Variants in TTBK1 observed in about 807,000 individuals in gnomAD.
The protein encoded by TTBK1 is tau-tubulin kinase 1.
A neutral mutation model predicts 108.5 loss-of-function variants in TTBK1; 34 were observed. The observed-to-expected ratio is 0.31, with a 90% CI of 0.24 to 0.42. The LOEUF (loss-of-function observed/expected upper bound fraction) is 0.42, where lower values mean the gene tolerates loss of function less well. TTBK1 is among the 10% of genes least tolerant of loss of function. TTBK1 has a pLI of 1.00. For missense variants in TTBK1, 1,539 were observed against 1,826.0 expected (o/e 0.84, Z 2.86); for synonymous variants, 809 against 795.1 (o/e 1.02, Z -0.29).
chr6:43,278,686 C>T (rs968669484), intron 13 of TTBK1, among the ~76,000 whole-genome samples: 2 of 152,200 alleles, frequency 1.3e-5, no homozygotes, highest in African/African-American at 4.8e-5. Flanking sequence ...CTGACGGTGT[C>T]TGTGGATCAC....
At position 43,257,886 on chromosome 6, in the gene TTBK1, G is replaced by A. The variant is rs1445116876; in HGVS notation, c.936G>A (p.Lys312=). The A allele has an allele frequency of 6.2e-7, 1 of 1,614,060 alleles. No individual in the cohort carries two copies. The highest frequency in any genetic ancestry group is 1.7e-5 in the Admixed American group (1 of 60,012). Residue 312 remains lysine, a synonymous_variant, in exon 10 of 15, where the codon AAG becomes AAA. Transcript: ENST00000259750. This position sits in a 1 kb window ranked among gnomAD's most constrained non-coding sequence, Gnocchi z 4.5. ...IAENEAFDWE[K]AGTDALLSTS... is the part of the protein sequence containing the mutation. ...AGAATGAGGCCTTTGACTGGGAGAA[G>A]GCAGGCACCGATGCCCTCCTGTCCA...
In TTBK1 at chr6:43,283,026, A is replaced by AGAG; in HGVS notation, c.2298_2300dup (p.Glu771dup). 2 of 1,589,790 alleles carry AGAG rather than the reference A, an allele frequency of 1.3e-6. No individual in the cohort carries two copies. The highest frequency in any genetic ancestry group is 2.3e-5 in the East Asian group (1 of 43,986). On this transcript the variant is annotated inframe_insertion, in exon 14 of 15. Transcript: ENST00000259750. This position sits in a 1 kb window ranked among gnomAD's most constrained non-coding sequence, Gnocchi z 8.1. The stretch of plus-strand genomic sequence containing the variant: ...AGGAAGAGGAAGAGGAGGAGGAAGA[A>AGAG]GAGGAGGAGGAGGAAGAGGAGGAGG...
At position 43,283,578 on chromosome 6, in the gene TTBK1, A is replaced by G. The variant is rs767483217; in HGVS notation, c.2838A>G (p.Gly946=). ...ACCTCAACGTCATGTCTTCCGGTGG[A>G]CAAGCCTTGCGGTCTGAGGAGTTCA... is the stretch of plus-strand genomic sequence containing the variant. The part of the protein sequence containing the change: ...KTHLNVMSSG[G]QALRSEEFSA... Residue 946 remains glycine (G), a synonymous_variant, in exon 14 of 15, where the codon GGA becomes GGG. Coordinates refer to ENST00000259750, the MANE Select transcript of TTBK1 (RefSeq NM_032538.3). This position sits in a 1 kb window ranked among gnomAD's most constrained non-coding sequence, Gnocchi z 8.1. 1 of 1,614,118 alleles carries G rather than the reference A, an allele frequency of 6.2e-7. No homozygotes were observed. Among genetic ancestry groups the G allele is most frequent in the East Asian group, 2.2e-5 (1 of 44,872 alleles).
At chr6:43,246,072 C>T (rs1339785369) in intron 1 of TTBK1, among the ~76,000 whole-genome samples, 1 of 152,216 alleles carries the variant, frequency 6.6e-6, no homozygotes, top group East Asian at 1.9e-4. Flanking sequence ...CCTCAAGGGG[C>T]TTTAGTGCCT....
rs562151620 is a variant in TTBK1 at position 43,253,080 on chromosome 6, T to C, written c.256+194T>C. On this transcript the variant is annotated intron_variant, in intron 3 of 14. Coordinates refer to ENST00000259750, the MANE Select transcript of TTBK1 (RefSeq NM_032538.3). The surrounding 1 kb of genome is among the most constrained non-coding windows in gnomAD (Gnocchi z 5.8). ...ATGGGACCGGGGTCTAAGACAGTGA[T>C]GGGGCAGGAGGCCGGGTTGGTGATC... Among the ~76,000 whole-genome samples, 572 of 151,992 alleles carry C rather than the reference T, an allele frequency of 3.8e-3. No individual in the cohort carries two copies. Among genetic ancestry groups the C allele is most frequent in the Middle Eastern group, 0.014 (4 of 294 alleles).
chr6:43,266,274 T>C (rs1041806259), intron 13 of TTBK1, among the ~76,000 whole-genome samples: 8 of 152,210 alleles, frequency 5.3e-5, no homozygotes, highest in Non-Finnish European at 1.2e-4. Context: ...ATTATTGCAT[T>C]TGTGTAGAAT....
chr6:43,284,014 C>CCCCAGCA lies in TTBK1; in HGVS notation c.3274_3275insCCCAGCA (p.Leu1092ProfsTer26). The CCCCAGCA allele has an allele frequency of 6.3e-7, 1 of 1,580,946 alleles. No individual in the cohort carries two copies. The highest frequency in any genetic ancestry group is 1.1e-5 in the South Asian group (1 of 87,908). ...TCGGCCGCAGCAGGACCTGGCGCGG[C>CCCCAGCA]TGGTGATGGAGAAGAGGCAGGGCCG... On this transcript the variant is annotated frameshift_variant, in exon 14 of 15. Transcript: ENST00000259750. LOFTEE classifies it high-confidence loss of function.
chr6:43,268,353 T>G (rs1419362030), intron 13 of TTBK1, among the ~76,000 whole-genome samples: 1 of 152,070 alleles, frequency 6.6e-6, no homozygotes, highest in East Asian at 1.9e-4. Flanking sequence ...ATCCTAGACT[T>G]GGCCAAAAAG....
chr6:43,278,758 A>C (rs796186541), intron 13 of TTBK1, among the ~76,000 whole-genome samples: 14 of 152,352 alleles, frequency 9.2e-5, no homozygotes, highest in African/African-American at 3.4e-4. Flanking sequence ...CTGGGCATTC[A>C]GGAGAGGCAG....
Position 43,263,112 on chromosome 6 carries a change from A to AGCG in TTBK1, c.1757_1759dup (p.Arg586dup). ...CGGCCACTGCCCGAGGAGGGCGAAGAGCGGCGGCGGCTGGGGGCAGAGCCC... is the reference window on the plus strand; with the variant it reads ...CGGCCACTGCCCGAGGAGGGCGAAGAGCGGCGGCGGCGGCTGGGGGCAGAGCCC... On this transcript the variant is annotated inframe_insertion, in exon 13 of 15. Coordinates refer to ENST00000259750, the MANE Select transcript of TTBK1 (RefSeq NM_032538.3). This position sits in a 1 kb window ranked among gnomAD's most constrained non-coding sequence, Gnocchi z 4.7. The AGCG allele has an allele frequency of 6.4e-7, 1 of 1,567,476 alleles. No individual in the cohort carries two copies. Among genetic ancestry groups the AGCG allele is most frequent in the Non-Finnish European group, 8.7e-7 (1 of 1,155,330 alleles).
At chr6:43,248,963 C>T (rs1466668385) in intron 2 of TTBK1, among the ~76,000 whole-genome samples, 1 of 152,182 alleles carries the variant, frequency 6.6e-6, no homozygotes, top group Non-Finnish European at 1.5e-5. Context: ...TGTGCATTAT[C>T]TCAAGAACTT....
chr6:43,270,902 C>T (rs1478667735), intron 13 of TTBK1: 3 of 985,398 alleles, frequency 3.0e-6, no homozygotes, highest in Non-Finnish European at 3.6e-6. Flanking sequence ...CTGCCCTTCT[C>T]AGAAGGTGAC....
At position 43,282,996 on chromosome 6, in the gene TTBK1, A is replaced by AGAGGAGGAAGAGGAAGAG; in HGVS notation, c.2268_2285dup (p.Glu766_Glu771dup). 1.3e-6 allele frequency: 2 copies of AGAGGAGGAAGAGGAAGAG among 1,507,768 alleles called. No individual in the cohort carries two copies. The highest frequency in any genetic ancestry group is 1.8e-6 in the Non-Finnish European group (2 of 1,102,478). 93.4% of individuals were successfully genotyped at this position (1,507,768 alleles called of 1,614,324 possible). On this transcript the variant is annotated inframe_insertion, in exon 14 of 15. Transcript: ENST00000259750. The surrounding 1 kb of genome is among the most constrained non-coding windows in gnomAD (Gnocchi z 5.4). The stretch of plus-strand genomic sequence containing the variant: ...AGGAAGAAGAGGATGAGGAAGAAGA[A>AGAGGAGGAAGAGGAAGAG]GAGGAGGAAGAGGAAGAGGAGGAGG...
Position 43,285,870 on chromosome 6 carries a change from C to T in TTBK1, c.*494C>T, listed in dbSNP as rs1186292570. The T allele has an allele frequency of 1.3e-5, 2 of 152,952 alleles. No individual in the cohort carries two copies. The highest frequency in any genetic ancestry group is 2.9e-5 in the Non-Finnish European group (2 of 68,308). 9.5% of individuals were successfully genotyped at this position (152,952 alleles called of 1,614,324 possible). On this transcript the variant is annotated 3_prime_UTR_variant, in exon 15 of 15. Transcript: ENST00000259750. The surrounding 1 kb of genome is among the most constrained non-coding windows in gnomAD (Gnocchi z 4.7). ...CCTTCAGAGAAGCAGCCTCAAATTC[C>T]AGAAGTGGAGGCTCCAGCCTCCCCG...
rs765617221 is a variant in TTBK1 at position 43,282,700 on chromosome 6, GA to G, written c.1987-26del. On this transcript the variant is annotated intron_variant, in intron 13 of 14. Coordinates refer to ENST00000259750, the MANE Select transcript of TTBK1 (RefSeq NM_032538.3). This position sits in a 1 kb window ranked among gnomAD's most constrained non-coding sequence, Gnocchi z 5.4. ...GGGCCCAGGAGGGTGGGTGACCTCA[GA>G]GGGTCCCTGTGTATGCCCCTTGCAG... 1.3e-6 allele frequency: 2 copies of G among 1,563,486 alleles called. No individual in the cohort carries two copies. The highest frequency in any genetic ancestry group is 1.7e-6 in the Non-Finnish European group (2 of 1,153,842).
Position 43,282,642 on chromosome 6 carries a change from C to T in TTBK1, c.1987-85C>T. 1 of 1,175,398 alleles carries T rather than the reference C, an allele frequency of 8.5e-7. No individual in the cohort carries two copies. Among genetic ancestry groups the T allele is most frequent in the South Asian group, 1.4e-5 (1 of 69,776 alleles). 72.8% of individuals were successfully genotyped at this position (1,175,398 alleles called of 1,614,324 possible). On this transcript the variant is annotated intron_variant, in intron 13 of 14. Transcript: ENST00000259750. The surrounding 1 kb of genome is among the most constrained non-coding windows in gnomAD (Gnocchi z 5.4). ...TGGTAGACGACCTGGGCCTGTGAGT[C>T]TCCTAGGTTGTGGGTGCAGCTGAAG...
chr6:43,278,387 G>A (rs1778065705), intron 13 of TTBK1, among the ~76,000 whole-genome samples: 1 of 152,046 alleles, frequency 6.6e-6, no homozygotes, highest in African/African-American at 2.4e-5. Context: ...AGTTTGATTG[G>A]CCTGTCCTCC....
chr6:43,285,376 A>G lies in TTBK1; in HGVS notation c.3966A>G (p.Ter1322=). The change falls in exon 15 of 15, where the codon TAA becomes TAG. Residue 1322 remains the stop codon, a stop_retained_variant. Coordinates refer to ENST00000259750, the MANE Select transcript of TTBK1 (RefSeq NM_032538.3). This position sits in a 1 kb window ranked among gnomAD's most constrained non-coding sequence, Gnocchi z 4.7. Reference sequence around the variant, plus strand: ...CGGAGGGCCGGGCTGGGGCCAGATAATGACGCCCGCTGCTCTCCGCGGTCC... The same window carrying G: ...CGGAGGGCCGGGCTGGGGCCAGATAGTGACGCCCGCTGCTCTCCGCGGTCC... ...GGAEGRAGAR[*] is the part of the protein sequence containing the mutation. 1 of 1,274,698 alleles carries G rather than the reference A, an allele frequency of 7.8e-7. No individual in the cohort carries two copies. The highest frequency in any genetic ancestry group is 9.9e-7 in the Non-Finnish European group (1 of 1,015,192). The allele number at this position is 1,274,698 out of a possible 1,614,324, so 79.0% of individuals were successfully genotyped here. A position where few individuals can be genotyped will look rare whatever the true frequency, so the allele number is the denominator to read the frequency against.
chr6:43,253,204 A>G lies in TTBK1; in HGVS notation c.257-87A>G. 7.0e-7 allele frequency: 1 copy of G among 1,423,836 alleles called. No homozygotes were observed. The highest frequency in any genetic ancestry group is 9.9e-7 in the Non-Finnish European group (1 of 1,008,156). The allele number at this position is 1,423,836 out of a possible 1,614,324, so 88.2% of individuals were successfully genotyped here. A position where few individuals can be genotyped will look rare whatever the true frequency, so the allele number is the denominator to read the frequency against. On this transcript the variant is annotated intron_variant, in intron 3 of 14. Transcript: ENST00000259750. The surrounding 1 kb of genome is among the most constrained non-coding windows in gnomAD (Gnocchi z 5.8). ...CAGGGCCAGCACTGGAGGGACCAGG[A>G]ATCAAGAGTGCACTAGGAACCCATC... is the stretch of plus-strand genomic sequence containing the variant.
Sources: allele counts gnomAD v4.1 joint callset (sites outside exome capture counted in the v4.1 genomes callset), GRCh38; gene constraint gnomAD v4.1.1; non-coding constraint Gnocchi (gnomAD v3.1); transcripts MANE v1.5; gene names NCBI Gene and HGNC (gene_info 2026-07-23, HGNC 2026-07-21).